The following LUC7L variants were observed in gnomAD, a reference collection of about 807,000 sequenced individuals.
LUC7L encodes the protein LUC7 like, also known as putative RNA-binding protein Luc7-like 1.
In LUC7L, 29 loss-of-function variants were observed where a neutral mutation model predicts 51.1. The ratio of observed to expected loss-of-function variants is 0.57; its 90% CI spans 0.42 to 0.77. The LOEUF (loss-of-function observed/expected upper bound fraction) is 0.77. Among genes scored for constraint, LUC7L ranks in the 30% least tolerant of loss-of-function variants. The pLI is 0.00. For synonymous variants in LUC7L, 181 were observed against 180.7 expected, an observed-to-expected ratio of 1.00 and a Z score of -0.01; for missense variants, 403 against 511.9, an observed-to-expected ratio of 0.79 and a Z score of 2.05.
At chr16:202,987 C>A (rs1285331163) in intron 5 of LUC7L, among the ~76,000 whole-genome samples, 1 of 152,088 alleles carries the variant, frequency 6.6e-6, no homozygotes. Flanking sequence ...GTCTTCTCTA[C>A]TAAAAATACA....
rs531152351 is a variant in LUC7L, at chr16:220,549, T to A, written c.255+100A>T. ...AGTGGCAGGATAACAAGCAACTACC[T>A]TATTATTTTGCTTCATAACTTACGT... On this transcript the variant is annotated intron_variant, in intron 3 of 9. Transcript: ENST00000293872. 7.0e-6 allele frequency: 6 copies of A among 861,172 alleles called. No individual in the cohort carries two copies. The East Asian group carries it at 9.7e-5, about 14-fold the overall frequency. 53.3% of individuals were successfully genotyped at this position (861,172 alleles called of 1,614,324 possible).
intron 4 of LUC7L, 123 bp downstream of exon 4, chr16:207,955 G>C (rs1271835995): frequency 1.6e-6 from 1 of 621,526 alleles, no homozygotes; most frequent in Non-Finnish European, 2.8e-6. Flanking sequence ...CTTGCACTGA[G>C]CTGAGATCAT....
chr16:192,614 C>T (rs2049039658), intron 7 of LUC7L, among the ~76,000 whole-genome samples: 1 of 151,024 alleles, frequency 6.6e-6, no homozygotes, highest in African/African-American at 2.4e-5. Flanking sequence ...AGTGATTCTC[C>T]CACCTCAGCC....
In LUC7L at chr16:229,344, G is replaced by T; in HGVS notation, c.-5C>A. Reference sequence around the variant, plus strand: ...CATCTGCGCCTGGGCGGACATGGTAGCCGGCGGAGGCGACGGGGTCGGCCG... The same window carrying T: ...CATCTGCGCCTGGGCGGACATGGTATCCGGCGGAGGCGACGGGGTCGGCCG... On this transcript the variant is annotated 5_prime_UTR_variant, in exon 1 of 10. Transcript: ENST00000293872. 1 of 1,499,812 alleles carries T rather than the reference G, an allele frequency of 6.7e-7. No homozygotes were observed. Among genetic ancestry groups the T allele is most frequent in the Non-Finnish European group, 8.9e-7 (1 of 1,127,730 alleles). 92.9% of individuals were successfully genotyped at this position (1,499,812 alleles called of 1,614,324 possible).
chr16:227,797 G>A (rs1258914090), intron 1 of LUC7L: 2 of 998,418 alleles, frequency 2.0e-6, no homozygotes, highest in East Asian at 1.0e-4. Flanking sequence ...ATTGAATGAA[G>A]AAGAAAGCTT....
chr16:226,350 G>C (rs2050133116), intron 2 of LUC7L, among the ~76,000 whole-genome samples: 1 of 152,098 alleles, frequency 6.6e-6, no homozygotes, highest in Non-Finnish European at 1.5e-5. Flanking sequence ...CCTTAAAATG[G>C]GGGTGGTCTC....
intron 7 of LUC7L, 193 bp from the exon 8 acceptor site, chr16:190,763 C>A (rs995031403): frequency 5.1e-6 from 3 of 589,702 alleles, no homozygotes; most frequent in Non-Finnish European, 9.1e-6. Flanking sequence ...GCCTGTAATC[C>A]CAGCTACTCA....
chr16:192,423 C>T (rs2049032950), intron 7 of LUC7L, among the ~76,000 whole-genome samples: 1 of 152,014 alleles, frequency 6.6e-6, no homozygotes, highest in Non-Finnish European at 1.5e-5. Flanking sequence ...GCTTGGATCC[C>T]TTACCTGACT....
At chr16:224,708 C>G (rs1050873109) in intron 2 of LUC7L, among the ~76,000 whole-genome samples, 21 of 144,876 alleles carry the variant, frequency 1.4e-4, no homozygotes, top group African/African-American at 4.9e-4. Flanking sequence ...TGGCGGGCGC[C>G]TATAATCCCA....
At chr16:222,336 A>C (rs1368622125) in intron 2 of LUC7L, among the ~76,000 whole-genome samples, 1 of 151,504 alleles carries the variant, frequency 6.6e-6, no homozygotes, top group Non-Finnish European at 1.5e-5. Flanking sequence ...CCAGAAAAAA[A>C]AAAAAAAAAA....
At chr16:192,627 C>T (rs1014089323) in intron 7 of LUC7L, among the ~76,000 whole-genome samples, 4 of 151,648 alleles carry the variant, frequency 2.6e-5, no homozygotes, top group African/African-American at 4.8e-5. Context: ...CCTCAGCCTC[C>T]GAGTAGCTAG....
chr16:192,941 C>T lies in LUC7L; in HGVS notation c.762G>A (p.Glu254=), dbSNP rs2049049119. 1 of 1,613,156 alleles carries T rather than the reference C, an allele frequency of 6.2e-7. No individual in the cohort carries two copies. The highest frequency in any genetic ancestry group is 8.5e-7 in the Non-Finnish European group (1 of 1,180,008). Residue 254 remains glutamate, a synonymous_variant, in exon 7 of 10, where the codon GAG becomes GAA. Transcript: ENST00000293872. ...CTCAGGCTCACCTCCTGCTCAGACG[C>T]TCCTCCCGTTCCCTCTCCTCTCTCC... ...LRRREERERE[E]RLSRRSGSRT... is the part of the protein sequence containing the mutation.
chr16:227,097 T>C (rs981536944), intron 2 of LUC7L, 145 bp downstream of exon 2: 1 of 641,000 alleles, frequency 1.6e-6, no homozygotes, highest in Non-Finnish European at 2.8e-6. Context: ...CAAACATACA[T>C]ACGAGTGGAG....
chr16:192,860 T>G lies in LUC7L; in HGVS notation c.776+67A>C. 3 of 1,367,796 alleles carry G rather than the reference T, an allele frequency of 2.2e-6. No individual in the cohort carries two copies. In the East Asian group the frequency reaches 6.9e-5, roughly 31 times the overall value. 84.7% of individuals were successfully genotyped at this position (1,367,796 alleles called of 1,614,324 possible). A position where few individuals can be genotyped will look rare whatever the true frequency, so the allele number is the denominator to read the frequency against. On this transcript the variant is annotated intron_variant, in intron 7 of 9. Coordinates refer to ENST00000293872, the MANE Select transcript of LUC7L (RefSeq NM_201412.3). ...AGGCCCTGCCTATTCCAAGCAACAG[T>G]GGAATGGACCGAGCAGGGAATGCCC...
chr16:227,975 C>T (rs572193662), intron 1 of LUC7L: 2 of 1,050,624 alleles, frequency 1.9e-6, no homozygotes, highest in South Asian at 3.0e-5. Context: ...TGAGCTCCAA[C>T]ACATACTGTA....
At chr16:192,769 A>G (rs2049042623) in intron 7 of LUC7L, among the ~76,000 whole-genome samples, 158 bp downstream of exon 7, 1 of 151,980 alleles carries the variant, frequency 6.6e-6, no homozygotes, top group Admixed American at 6.6e-5. Flanking sequence ...TCCCAAACTG[A>G]CAGGATTACA....
chr16:210,593 T>A (rs1269874925), intron 3 of LUC7L, among the ~76,000 whole-genome samples: 1 of 152,152 alleles, frequency 6.6e-6, no homozygotes, highest in Non-Finnish European at 1.5e-5. Flanking sequence ...CTGCTCAAGC[T>A]GAGCAATCAA....
At position 220,750 on chromosome 16, in the gene LUC7L, G is replaced by A. The variant is rs182650712; in HGVS notation, c.157-3C>T. 7 of 1,610,106 alleles carry A rather than the reference G, an allele frequency of 4.3e-6. 1 individual carries two copies. The Admixed American group carries it at 6.7e-5, about 15-fold the overall frequency. ...GTACATTCTCCTAAATCCATGCGCT[G>A]TGGGAAAGAAACAGAAAATGCAGAC... On this transcript the variant is annotated splice_polypyrimidine_tract_variant and splice_region_variant and intron_variant, in intron 2 of 9. Coordinates refer to ENST00000293872, the MANE Select transcript of LUC7L (RefSeq NM_201412.3).
At chr16:214,440 T>C (rs1160614837) in intron 3 of LUC7L, among the ~76,000 whole-genome samples, 1 of 152,232 alleles carries the variant, frequency 6.6e-6, no homozygotes, top group African/African-American at 2.4e-5. Context: ...AGGTTCATTA[T>C]AATTTATTCA....
Sources: gnomAD v4.1 joint callset for allele counts (sites outside exome capture counted in the v4.1 genomes callset) on GRCh38, gnomAD v4.1.1 for gene constraint, MANE v1.5 for transcripts, NCBI Gene and HGNC (gene_info 2026-07-23, HGNC 2026-07-21) for gene names.